Variants in FHIT observed in about 807,000 individuals in gnomAD.
The protein encoded by FHIT is bis(5'-adenosyl)-triphosphatase.
FHIT carries 19 observed loss-of-function variants against 17.9 expected under a neutral mutation model. The observed-to-expected ratio is 1.06, with a 90% CI of 0.74 to 1.56. The LOEUF is 1.56. FHIT is among the 40% of genes most tolerant of loss of function. FHIT has a pLI of 0.00. For missense variants in FHIT, 248 were observed against 189.2 expected (o/e 1.31, Z -1.82); for synonymous variants, 81 against 69.7 (o/e 1.16, Z -0.81).
At chr3:60,595,283 G>A (rs2038226628) in intron 4 of FHIT, among the ~76,000 whole-genome samples, 1 of 152,020 alleles carries the variant, frequency 6.6e-6, no homozygotes. Context: ...GATGGACAAA[G>A]GAGAGCCAAC....
chr3:61,178,148 T>A (rs4688310), intron 2 of FHIT, among the ~76,000 whole-genome samples: 1 of 151,982 alleles, frequency 6.6e-6, no homozygotes, highest in Admixed American at 6.5e-5. Flanking sequence ...AATTATAAAA[T>A]GGAATGATAA....
At chr3:60,374,729 A>T (rs1700474302) in intron 5 of FHIT, among the ~76,000 whole-genome samples, 1 of 151,988 alleles carries the variant, frequency 6.6e-6, no homozygotes, top group South Asian at 2.1e-4. Flanking sequence ...CGAAGTCAAG[A>T]TCAAATTGCA....
chr3:61,126,273 T>C lies in FHIT; in HGVS notation c.-164+74344A>G, dbSNP rs147826286. The stretch of plus-strand genomic sequence containing the variant: ...AAAGTAAAAAAAAAACTTGTCTTCA[T>C]GCCTTTGGGGTCTTCTTTGTAGTTG... On this transcript the variant is annotated intron_variant, in intron 2 of 9. Coordinates refer to ENST00000492590, the MANE Select transcript of FHIT (RefSeq NM_002012.4). Among the ~76,000 whole-genome samples, 564 of 152,300 alleles carry C rather than the reference T, an allele frequency of 3.7e-3. 3 individuals are homozygous for C. The highest frequency in any genetic ancestry group is 0.015 in the Admixed American group (228 of 15,290).
intron 5 of FHIT, among the ~76,000 whole-genome samples, chr3:60,390,417 A>ACC (rs1701178605): frequency 7.6e-6 from 1 of 130,870 alleles, no homozygotes; most frequent in African/African-American, 2.7e-5. Flanking sequence ...AAAAAAAAAA[A>ACC]AAAAAAAAAA....
At chr3:60,659,776 G>A (rs1310593338) in intron 4 of FHIT, among the ~76,000 whole-genome samples, 2 of 152,114 alleles carry the variant, frequency 1.3e-5, no homozygotes, top group Non-Finnish European at 2.9e-5. Context: ...TTCAGGGACA[G>A]ACCTCGTTGG....
intron 5 of FHIT, among the ~76,000 whole-genome samples, chr3:60,038,493 T>C (rs1359749221): frequency 2.0e-5 from 3 of 152,212 alleles, no homozygotes; most frequent in Admixed American, 1.3e-4. Context: ...CTGCAGACAG[T>C]TGCTTGTACG....
intron 5 of FHIT, among the ~76,000 whole-genome samples, chr3:60,358,790 G>C (rs900946869): frequency 3.9e-5 from 6 of 152,260 alleles, no homozygotes; most frequent in African/African-American, 1.4e-4. Context: ...TCTGGCTCAG[G>C]TCTTCACTAG....
chr3:60,113,933 C>T (rs1471015716), intron 5 of FHIT, among the ~76,000 whole-genome samples: 1 of 130,034 alleles, frequency 7.7e-6, no homozygotes, highest in African/African-American at 3.0e-5. Context: ...ACCCGGGAGG[C>T]GGAGCTTGCA....
intron 4 of FHIT, among the ~76,000 whole-genome samples, chr3:60,682,779 C>T (rs1201002090): frequency 8.5e-5 from 13 of 152,160 alleles, no homozygotes; most frequent in Admixed American, 7.9e-4. Flanking sequence ...TTAAGAAATA[C>T]ATTTGTAAGA....
At chr3:59,954,851 A>T (rs1272453370) in intron 7 of FHIT, among the ~76,000 whole-genome samples, 1 of 152,196 alleles carries the variant, frequency 6.6e-6, no homozygotes, top group Non-Finnish European at 1.5e-5. Context: ...CCAAGCTTAC[A>T]TGCTAGGGCC....
intron 2 of FHIT, among the ~76,000 whole-genome samples, chr3:61,186,931 G>C (rs1393635608): frequency 6.6e-6 from 1 of 152,140 alleles, no homozygotes; most frequent in African/African-American, 2.4e-5. Flanking sequence ...GAGGAGGCCT[G>C]CTATGTTTTG....
At chr3:60,681,126 C>T (rs981518631) in intron 4 of FHIT, among the ~76,000 whole-genome samples, 1 of 152,196 alleles carries the variant, frequency 6.6e-6, no homozygotes, top group East Asian at 1.9e-4. Flanking sequence ...GGCAACTTTG[C>T]ATCTAGCAAG....
intron 4 of FHIT, among the ~76,000 whole-genome samples, chr3:60,794,383 T>C (rs1700901329): frequency 6.6e-6 from 1 of 151,398 alleles, no homozygotes; most frequent in Non-Finnish European, 1.5e-5. Flanking sequence ...AATGGATGGA[T>C]GGATGGATGG....
intron 4 of FHIT, among the ~76,000 whole-genome samples, chr3:60,710,822 G>C (rs1435860629): frequency 6.6e-6 from 1 of 152,210 alleles, no homozygotes; most frequent in Non-Finnish European, 1.5e-5. Context: ...GCCTGCCTCT[G>C]TAGGCTCCAC....
At chr3:60,970,914 C>T (rs1046972972) in intron 3 of FHIT, among the ~76,000 whole-genome samples, 3 of 152,142 alleles carry the variant, frequency 2.0e-5, no homozygotes, top group African/African-American at 7.2e-5. Context: ...AATCTTGTTC[C>T]ATCTCTATCC....
At chr3:60,193,326 T>C (rs1381282400) in intron 5 of FHIT, among the ~76,000 whole-genome samples, 3 of 152,136 alleles carry the variant, frequency 2.0e-5, no homozygotes, top group South Asian at 2.1e-4. Context: ...TTTCAATGCA[T>C]GTAAGAGCCA....
At chr3:60,165,495 A>G (rs902189005) in intron 5 of FHIT, among the ~76,000 whole-genome samples, 2 of 152,204 alleles carry the variant, frequency 1.3e-5, no homozygotes, top group African/African-American at 2.4e-5. Context: ...GCTCATTGTC[A>G]TAAGTGATGT....
chr3:60,887,185 A>G (rs1283242322), intron 3 of FHIT, among the ~76,000 whole-genome samples: 1 of 142,696 alleles, frequency 7.0e-6, no homozygotes, highest in Non-Finnish European at 1.5e-5. Context: ...AGAAGCTCAG[A>G]GCAGAACTAA....
At chr3:60,556,388 G>A (rs947516817) in intron 4 of FHIT, among the ~76,000 whole-genome samples, 8 of 152,202 alleles carry the variant, frequency 5.3e-5, no homozygotes, top group South Asian at 2.1e-4. Context: ...GAGGGAAGAT[G>A]CAACTGATCC....
Sources: allele counts gnomAD v4.1 joint callset (sites outside exome capture counted in the v4.1 genomes callset), GRCh38; gene constraint gnomAD v4.1.1; transcripts MANE v1.5; gene names NCBI Gene and HGNC (gene_info 2026-07-23, HGNC 2026-07-21).